STON1: variants seen among roughly 807,000 people sequenced by gnomAD.
The protein encoded by STON1 is stonin-1.
Under a neutral mutation model 60.9 loss-of-function variants are expected in STON1, and 79 were observed. That is an observed-to-expected ratio of 1.30 (90% CI 1.08 to 1.56). The LOEUF (loss-of-function observed/expected upper bound fraction) is 1.56. Among genes scored for constraint, STON1 ranks in the 40% most tolerant of loss-of-function variants. STON1 has a pLI of 0.00. For synonymous variants in STON1, 363 were observed against 306.9 expected (o/e 1.18, Z -1.91); for missense variants, 1,166 against 858.9 (o/e 1.36, Z -4.47).
At position 48,550,469 on chromosome 2, in the gene STON1, C is replaced by A. The variant is rs528905164; in HGVS notation, c.-48+20253C>A. ...CTGAGATTGCACCATTGCACTCCAG[C>A]CTGGGCAACAAGAGTGAAACTCTAT... On this transcript the variant is annotated intron_variant, in intron 1 of 3. Transcript: ENST00000404752. Among the ~76,000 whole-genome samples the A allele has an allele frequency of 4.7e-5, 7 of 150,250 alleles. No individual in the cohort carries two copies. The South Asian group carries it at 1.5e-3, about 32-fold the overall frequency.
Position 48,595,257 on chromosome 2 carries a change from C to A in STON1, c.2163C>A (p.Ile721=), listed in dbSNP as rs769964189. ...AAATAGAAAAGAAGTGGATTAAAAT[C>A]GATGGAGAAGACCCAGATAAAATTG... ...QVEIEKKWIK[I]DGEDPDKIGD... Residue 721 remains isoleucine (I), a synonymous_variant, in exon 4 of 4, where the codon ATC becomes ATA. Transcript: ENST00000404752. 1.9e-6 allele frequency: 3 copies of A among 1,613,780 alleles called. No individual in the cohort carries two copies. Among genetic ancestry groups the A allele is most frequent in the East Asian group, 4.5e-5 (2 of 44,872 alleles).
At chr2:48,561,675 A>G (rs969273051) in intron 1 of STON1, among the ~76,000 whole-genome samples, 8 of 152,126 alleles carry the variant, frequency 5.3e-5, no homozygotes, top group Non-Finnish European at 8.8e-5. Context: ...CCTGATTGTC[A>G]GTTGTGACAA....
In STON1 at chr2:48,582,498, C is replaced by A. The variant is rs1673952311; in HGVS notation, c.1865C>A (p.Ala622Glu). ...GTCATTCAAGTCACTGTGGGGTCAG[C>A]AAAATATGAGAGTGCCTACCAGGCA... Reference protein sequence around the residue: ...EPVIQVTVGSAKYESAYQAVV... With the variant: ...EPVIQVTVGSEKYESAYQAVV... Residue 622 changes from alanine (A) to glutamate (E), a missense_variant, in exon 2 of 4, where the codon GCA becomes GAA. Ala to Glu is a moderately radical substitution (Grantham distance 107). Transcript: ENST00000404752. The A allele has an allele frequency of 6.2e-7, 1 of 1,614,132 alleles. No individual in the cohort carries two copies.
Position 48,581,304 on chromosome 2 carries a change from G to T in STON1, c.671G>T (p.Cys224Phe). 4 of 1,524,538 alleles carry T rather than the reference G, an allele frequency of 2.6e-6. No homozygotes were observed. The highest frequency in any genetic ancestry group is 3.5e-6 in the Non-Finnish European group (4 of 1,140,090). 94.4% of individuals were successfully genotyped at this position (1,524,538 alleles called of 1,614,324 possible). The change falls in exon 2 of 4, where the codon TGT (cysteine) becomes TTT (phenylalanine). Residue 224 changes from cysteine (C) to phenylalanine (F), a missense_variant. Physicochemically the swap from Cys to Phe is radical, Grantham distance 205. Coordinates refer to ENST00000404752, the MANE Select transcript of STON1 (RefSeq NM_006873.4). ...ATTGACCAAAAAAGCCTAAATAAGT[G>T]TTCACTCAACTATATCTGTGAGAAG... ...MPIDQKSLNK[C>F]SLNYICEKLE... is the part of the protein sequence containing the mutation.
At chr2:48,544,738 G>A (rs1671794959) in intron 1 of STON1, among the ~76,000 whole-genome samples, 1 of 151,872 alleles carries the variant, frequency 6.6e-6, no homozygotes, top group Non-Finnish European at 1.5e-5. Flanking sequence ...TAGAAACAGG[G>A]GTTTCACCGT....
chr2:48,579,063 A>T lies in STON1; in HGVS notation c.-47-1524A>T, dbSNP rs146295658. Among the ~76,000 whole-genome samples, 45 of 149,846 alleles carry T rather than the reference A, an allele frequency of 3.0e-4. No homozygotes were observed. In the East Asian group the frequency reaches 8.9e-3, roughly 30 times the overall value. On this transcript the variant is annotated intron_variant, in intron 1 of 3. Transcript: ENST00000404752. The stretch of plus-strand genomic sequence containing the variant: ...TCCTTGCCCAGGCTGGAGAGTAATG[A>T]CACAGTCTCTGTTCACTGCAACCTC...
intron 3 of STON1, 105 bp from the exon 4 acceptor site, chr2:48,595,123 G>GA: frequency 1.2e-6 from 1 of 859,486 alleles, no homozygotes; most frequent in Non-Finnish European, 1.9e-6. Flanking sequence ...TGTCCAAAGG[G>GA]TGAGGTTTGT....
intron 1 of STON1, among the ~76,000 whole-genome samples, chr2:48,571,686 G>C (rs1477954661): frequency 1.3e-5 from 2 of 152,194 alleles, no homozygotes; most frequent in Non-Finnish European, 2.9e-5. Flanking sequence ...TCTGGACAGG[G>C]TGTGGCCCCC....
At chr2:48,548,540 C>CAT (rs1671955592) in intron 1 of STON1, among the ~76,000 whole-genome samples, 1 of 151,630 alleles carries the variant, frequency 6.6e-6, no homozygotes, top group African/African-American at 2.4e-5. Context: ...CCTCTGTTGC[C>CAT]CAGGCTGGAG....
intron 1 of STON1, among the ~76,000 whole-genome samples, chr2:48,577,475 G>A (rs1393679841): frequency 6.6e-6 from 1 of 151,716 alleles, no homozygotes; most frequent in Non-Finnish European, 1.5e-5. Flanking sequence ...CAGCTACTCA[G>A]GAGGCTGAGG....
At chr2:48,570,062 TG>T (rs1673122869) in intron 1 of STON1, among the ~76,000 whole-genome samples, 1 of 152,184 alleles carries the variant, frequency 6.6e-6, no homozygotes, top group Non-Finnish European at 1.5e-5. Flanking sequence ...AGGCTGGGCA[TG>T]GTGGCTCATG....
intron 1 of STON1, among the ~76,000 whole-genome samples, chr2:48,551,233 G>T (rs1043744979): frequency 1.3e-5 from 2 of 152,156 alleles, no homozygotes; most frequent in East Asian, 1.9e-4. Flanking sequence ...GGGAGAATGG[G>T]TTGGACTATA....
chr2:48,535,327 A>G (rs1314469866), intron 1 of STON1, among the ~76,000 whole-genome samples: 2 of 152,180 alleles, frequency 1.3e-5, no homozygotes, highest in East Asian at 3.8e-4. Context: ...GATCCCATGC[A>G]TTGGTGAGTT....
intron 1 of STON1, among the ~76,000 whole-genome samples, chr2:48,548,225 G>A (rs766931568): frequency 6.6e-6 from 1 of 152,100 alleles, no homozygotes; most frequent in Non-Finnish European, 1.5e-5. Flanking sequence ...CTATTTTCTC[G>A]CTCTGACCTG....
At chr2:48,536,261 G>A (rs1051768832) in intron 1 of STON1, among the ~76,000 whole-genome samples, 5 of 151,724 alleles carry the variant, frequency 3.3e-5, no homozygotes, top group Non-Finnish European at 5.9e-5. Context: ...GAAAATGTCA[G>A]AATACGCCAG....
At chr2:48,565,351 C>G (rs936978097) in intron 1 of STON1, among the ~76,000 whole-genome samples, 1 of 152,186 alleles carries the variant, frequency 6.6e-6, no homozygotes, top group East Asian at 1.9e-4. Context: ...CGCGCCCAGC[C>G]TCCGACTTCT....
chr2:48,552,901 G>C (rs988167409), intron 1 of STON1, among the ~76,000 whole-genome samples: 4 of 152,124 alleles, frequency 2.6e-5, no homozygotes, highest in Non-Finnish European at 5.9e-5. Context: ...TTCTCTTCTG[G>C]TTCTATGGGT....
intron 3 of STON1, 117 bp downstream of exon 3, chr2:48,591,972 T>C: frequency 1.4e-6 from 2 of 1,381,664 alleles, no homozygotes; most frequent in Non-Finnish European, 1.9e-6. Flanking sequence ...AGATTTGCCC[T>C]AGAGAGGATC....
rs574958016 is a variant in STON1 at position 48,586,311 on chromosome 2, A to G, written c.1930+3748A>G. ...AACATCTACTAAAGTTCTTCTAGGT[A>G]TAGGTTCTGTGCTGAGTGTTTAAGA... On this transcript the variant is annotated intron_variant, in intron 2 of 3. Transcript: ENST00000404752. 1.9e-3 allele frequency among the ~76,000 whole-genome samples: 283 copies of G among 152,348 alleles called. 1 individual carries two copies. Among genetic ancestry groups the G allele is most frequent in the Middle Eastern group, 6.8e-3 (2 of 294 alleles).
Sources: gnomAD v4.1 joint callset for allele counts (sites outside exome capture counted in the v4.1 genomes callset) on GRCh38, gnomAD v4.1.1 for gene constraint, MANE v1.5 for transcripts, NCBI Gene and HGNC (gene_info 2026-07-23, HGNC 2026-07-21) for gene names.